SGCZ: variants seen among roughly 807,000 people sequenced by gnomAD.
SGCZ encodes zeta-sarcoglycan.
In SGCZ, 40 loss-of-function variants were observed where a neutral mutation model predicts 41.3. That is an observed-to-expected ratio of 0.97 (90% CI 0.75 to 1.26). SGCZ has a LOEUF of 1.26. SGCZ is among the 50% of genes most tolerant of loss of function. The probability of loss-of-function intolerance (pLI) is 0.00; values close to 1 mark genes in which losing one functional copy is unlikely to be tolerated. For synonymous variants in SGCZ, 206 were observed against 137.5 expected, an observed-to-expected ratio of 1.50 and a Z score of -3.49; for missense variants, 552 against 369.8, an observed-to-expected ratio of 1.49 and a Z score of -4.04.
At chr8:15,096,291 T>A (rs1343989159) in intron 1 of SGCZ, among the ~76,000 whole-genome samples, 1 of 152,000 alleles carries the variant, frequency 6.6e-6, no homozygotes, top group Non-Finnish European at 1.5e-5. Flanking sequence ...TTTCACCATA[T>A]TGGCCAGGCT....
At chr8:14,980,338 C>T (rs1801620466) in intron 1 of SGCZ, among the ~76,000 whole-genome samples, 1 of 152,174 alleles carries the variant, frequency 6.6e-6, no homozygotes, top group Non-Finnish European at 1.5e-5. Context: ...TAATCAGAGA[C>T]CTGGGATACC....
intron 3 of SGCZ, among the ~76,000 whole-genome samples, chr8:14,240,508 A>G (rs997225629): frequency 3.3e-5 from 5 of 151,704 alleles, no homozygotes; most frequent in African/African-American, 1.2e-4. Context: ...TCAGAATTAA[A>G]ATTTTATATC....
intron 1 of SGCZ, among the ~76,000 whole-genome samples, chr8:14,781,859 T>C (rs1268491491): frequency 6.6e-6 from 1 of 152,186 alleles, no homozygotes; most frequent in Non-Finnish European, 1.5e-5. Flanking sequence ...TAATAAAGTG[T>C]AAAATATCTC....
At chr8:14,103,266 C>A (rs999380913) in intron 6 of SGCZ, among the ~76,000 whole-genome samples, 18 of 130,500 alleles carry the variant, frequency 1.4e-4, no homozygotes, top group Non-Finnish European at 1.6e-4. Flanking sequence ...AAATATAACA[C>A]TAGAGAAAAA....
chr8:15,115,273 T>A lies in SGCZ; in HGVS notation c.39+122312A>T, dbSNP rs189349661. 3.9e-5 allele frequency among the ~76,000 whole-genome samples: 6 copies of A among 152,282 alleles called. No individual in the cohort carries two copies. In the East Asian group the frequency reaches 1.2e-3, roughly 29 times the overall value. On this transcript the variant is annotated intron_variant, in intron 1 of 7. Transcript: ENST00000382080. Reference sequence around the variant, plus strand: ...TAGAAGAGGCACGTTTGTTTCTAAATGTCTTGGCAGCAAGTGACACATAAA... The same window carrying A: ...TAGAAGAGGCACGTTTGTTTCTAAAAGTCTTGGCAGCAAGTGACACATAAA...
chr8:14,836,259 T>C (rs1802698526), intron 1 of SGCZ, among the ~76,000 whole-genome samples: 1 of 152,178 alleles, frequency 6.6e-6, no homozygotes, highest in South Asian at 2.1e-4. Context: ...CAATCTTGAG[T>C]GAATCACTTA....
intron 1 of SGCZ, among the ~76,000 whole-genome samples, chr8:14,676,660 G>T (rs910305864): frequency 6.6e-6 from 1 of 152,084 alleles, no homozygotes; most frequent in East Asian, 1.9e-4. Context: ...TACAAGATAT[G>T]CAAAGAAGTG....
chr8:14,319,326 A>G (rs993514305), intron 3 of SGCZ: 7 of 152,026 alleles, frequency 4.6e-5, no homozygotes, highest in Non-Finnish European at 8.8e-5. Flanking sequence ...CTTGGACTTA[A>G]TAGTGAAGTG....
At chr8:14,472,074 T>C (rs1486499184) in intron 2 of SGCZ, among the ~76,000 whole-genome samples, 1 of 152,080 alleles carries the variant, frequency 6.6e-6, no homozygotes, top group East Asian at 1.9e-4. Flanking sequence ...ATTTCTCAAA[T>C]AAGAAATTTG....
Position 14,090,591 on chromosome 8 carries a change from C to G in SGCZ, c.791G>C (p.Gly264Ala), listed in dbSNP as rs1203338213. ...GCTGGGTGAAGAAGATGAGAAGGAGCCAGTTGGTAGATTTCCCAGCTTGAT... is the reference window on the plus strand; with the variant it reads ...GCTGGGTGAAGAAGATGAGAAGGAGGCAGTTGGTAGATTTCCCAGCTTGAT... ...ETIKLGNLPT[G>A]SFSSSSPSSS... The change falls in exon 8 of 8, where the codon GGC (glycine) becomes GCC (alanine). Residue 264 changes from glycine (G) to alanine (A), a missense_variant. Coordinates refer to ENST00000382080, the MANE Select transcript of SGCZ (RefSeq NM_139167.4). 3 of 1,612,530 alleles carry G rather than the reference C, an allele frequency of 1.9e-6. No homozygotes were observed. In the East Asian group the frequency reaches 6.7e-5, roughly 36 times the overall value.
intron 1 of SGCZ, among the ~76,000 whole-genome samples, chr8:14,937,605 G>A (rs556442178): frequency 1.3e-5 from 2 of 151,938 alleles, no homozygotes; most frequent in Non-Finnish European, 2.9e-5. Flanking sequence ...ATATACGTAC[G>A]CATATAGAGG....
At chr8:15,021,225 T>C (rs1454316039) in intron 1 of SGCZ, among the ~76,000 whole-genome samples, 1 of 152,150 alleles carries the variant, frequency 6.6e-6, no homozygotes, top group Non-Finnish European at 1.5e-5. Flanking sequence ...TATCATAGGA[T>C]AAAGAAAAAA....
chr8:15,121,073 G>T (rs188261565), intron 1 of SGCZ, among the ~76,000 whole-genome samples: 26 of 152,160 alleles, frequency 1.7e-4, no homozygotes, highest in African/African-American at 6.3e-4. Context: ...TTTTCTTTGC[G>T]TTGCCACAAT....
At chr8:14,816,876 T>C (rs1230861323) in intron 1 of SGCZ, among the ~76,000 whole-genome samples, 5 of 152,214 alleles carry the variant, frequency 3.3e-5, no homozygotes, top group Non-Finnish European at 7.3e-5. Context: ...GAATATGTTA[T>C]ATTTTCCATG....
At chr8:14,677,917 T>C (rs776280190) in intron 1 of SGCZ, among the ~76,000 whole-genome samples, 2 of 152,170 alleles carry the variant, frequency 1.3e-5, no homozygotes, top group South Asian at 2.1e-4. Flanking sequence ...TATAAAGCTA[T>C]GGAAATCAAG....
intron 5 of SGCZ, among the ~76,000 whole-genome samples, chr8:14,114,934 C>T (rs544719351): frequency 4.0e-5 from 6 of 151,698 alleles, no homozygotes; most frequent in African/African-American, 1.2e-4. Flanking sequence ...GTAAAGAAAA[C>T]AGAATTAAAA....
intron 1 of SGCZ, among the ~76,000 whole-genome samples, chr8:15,047,624 A>G (rs769261047): frequency 5.9e-5 from 9 of 152,054 alleles, no homozygotes; most frequent in Non-Finnish European, 1.2e-4. Flanking sequence ...GTTTATGCCA[A>G]TGCAAGGATC....
chr8:14,660,936 A>G (rs1031678696), intron 1 of SGCZ, among the ~76,000 whole-genome samples: 11 of 152,156 alleles, frequency 7.2e-5, no homozygotes, highest in African/African-American at 2.4e-4. Flanking sequence ...AAATCTGAAG[A>G]ATTTACTCAG....
intron 1 of SGCZ, among the ~76,000 whole-genome samples, chr8:15,114,251 G>A (rs1383960713): frequency 6.6e-6 from 1 of 152,080 alleles, no homozygotes; most frequent in African/African-American, 2.4e-5. Context: ...CCCTGTCCTG[G>A]ATGCCTTGTA....
Sources: allele counts gnomAD v4.1 joint callset (sites outside exome capture counted in the v4.1 genomes callset), GRCh38; gene constraint gnomAD v4.1.1; transcripts MANE v1.5; gene names NCBI Gene and HGNC (gene_info 2026-07-23, HGNC 2026-07-21).